Variants in ZNF655 observed in about 807,000 individuals in gnomAD.
ZNF655 encodes the protein zinc finger protein 655.
ZNF655 carries 3 observed loss-of-function variants against 6.6 expected under a neutral mutation model. The observed-to-expected ratio is 0.46, with a 90% CI of 0.21 to 1.18. ZNF655 has a LOEUF of 1.18. ZNF655 is among the 50% of genes most tolerant of loss of function. ZNF655 has a pLI of 0.24. For missense variants in ZNF655, 526 were observed against 572.3 expected, an observed-to-expected ratio of 0.92 and a Z score of 0.83; for synonymous variants, 178 against 195.0, an observed-to-expected ratio of 0.91 and a Z score of 0.73.
intron 2 of ZNF655, among the ~76,000 whole-genome samples, chr7:99,565,983 CAT>C (rs1466680733): frequency 3.3e-5 from 5 of 151,460 alleles, no homozygotes; most frequent in Non-Finnish European, 4.4e-5. Flanking sequence ...CACACACACA[CAT>C]ATGTATATAC....
chr7:99,566,739 G>A (rs1050471690), intron 2 of ZNF655, among the ~76,000 whole-genome samples: 1 of 151,950 alleles, frequency 6.6e-6, no homozygotes, highest in Non-Finnish European at 1.5e-5. Flanking sequence ...TCTATTTTTA[G>A]TAAAGAAGGT....
chr7:99,560,442 A>G (rs1803037502), intron 1 of ZNF655, 91 bp from the exon 2 acceptor site: 3 of 1,239,910 alleles, frequency 2.4e-6, no homozygotes, highest in Admixed American at 2.8e-5. Flanking sequence ...GAATATCCAT[A>G]GTGTGTAAGA....
At chr7:99,566,483 G>A (rs530171486) in intron 2 of ZNF655, among the ~76,000 whole-genome samples, 4 of 152,324 alleles carry the variant, frequency 2.6e-5, no homozygotes, top group African/African-American at 7.2e-5. Flanking sequence ...TTAAGGACCA[G>A]GAAGAAAAGC....
chr7:99,571,306 C>G, intron 2 of ZNF655: 4 of 1,288,218 alleles, frequency 3.1e-6, no homozygotes, highest in Non-Finnish European at 4.0e-6. Context: ...TTTCTCCAGT[C>G]CAGCAGAATT....
rs1276671182 is a variant in ZNF655, at chr7:99,575,760, A to G, written c.*2176A>G. On this transcript the variant is annotated 3_prime_UTR_variant, in exon 3 of 3. Coordinates refer to ENST00000252713, the MANE Select transcript of ZNF655 (RefSeq NM_138494.3). ...TGCTCCTCTCTCATCAATCCAGGAC[A>G]GTATTTGAAGTGTGAGGGCTTTGTG... 1 of 152,200 alleles carries G rather than the reference A, an allele frequency of 6.6e-6. No individual in the cohort carries two copies. The highest frequency in any genetic ancestry group is 1.9e-4 in the East Asian group (1 of 5,194). 9.4% of individuals were successfully genotyped at this position (152,200 alleles called of 1,614,324 possible). A position where few individuals can be genotyped will look rare whatever the true frequency, so the allele number is the denominator to read the frequency against.
intron 2 of ZNF655, chr7:99,564,073 A>G: frequency 6.3e-7 from 1 of 1,589,132 alleles, no homozygotes; most frequent in Non-Finnish European, 8.6e-7. Flanking sequence ...ATTAAAATTG[A>G]CTGATGGAAT....
rs191662622 is a variant in ZNF655 at position 99,559,362 on chromosome 7, T to G, written c.-28+575T>G. Among the ~76,000 whole-genome samples, 30 of 78,094 alleles carry G rather than the reference T, an allele frequency of 3.8e-4. 2 individuals carry two copies. The East Asian group carries it at 0.013, about 35-fold the overall frequency. The allele number at this position is 78,094 out of a possible 152,430, so 51.2% of individuals were successfully genotyped here. ...TGGGCTGACGGTGTTACCAAGACATTTCCTAGGGGGCCTGCTGTTTTATTT... is the reference window on the plus strand; with the variant it reads ...TGGGCTGACGGTGTTACCAAGACATGTCCTAGGGGGCCTGCTGTTTTATTT... On this transcript the variant is annotated intron_variant, in intron 1 of 2. Transcript: ENST00000252713.
At position 99,573,720 on chromosome 7, in the gene ZNF655, A is replaced by G; in HGVS notation, c.*136A>G. 1 of 1,017,236 alleles carries G rather than the reference A, an allele frequency of 9.8e-7. No homozygotes were observed. Among genetic ancestry groups the G allele is most frequent in the Non-Finnish European group, 1.4e-6 (1 of 703,066 alleles). The allele number at this position is 1,017,236 out of a possible 1,614,324, so 63.0% of individuals were successfully genotyped here. On this transcript the variant is annotated 3_prime_UTR_variant, in exon 3 of 3. Coordinates refer to ENST00000252713, the MANE Select transcript of ZNF655 (RefSeq NM_138494.3). ...TAGCTCAGCCATTGCTCAGCATCAGATAATTCACACCAGAGAGAAACCCTC... is the reference window on the plus strand; with the variant it reads ...TAGCTCAGCCATTGCTCAGCATCAGGTAATTCACACCAGAGAGAAACCCTC...
chr7:99,570,691 T>G (rs1803980932), intron 2 of ZNF655: 1 of 152,194 alleles, frequency 6.6e-6, no homozygotes, highest in Admixed American at 6.5e-5. Context: ...TAAACACCGT[T>G]ATATGTGACA....
At chr7:99,568,839 C>T (rs1803829537) in intron 2 of ZNF655, among the ~76,000 whole-genome samples, 1 of 152,050 alleles carries the variant, frequency 6.6e-6, no homozygotes, top group Admixed American at 6.5e-5. Context: ...GGCTGGAGTA[C>T]AGTGGTGTGA....
At position 99,562,616 on chromosome 7, in the gene ZNF655, T is replaced by C. The variant is rs1803286002; in HGVS notation, c.136+1921T>C. On this transcript the variant is annotated intron_variant, in intron 2 of 2. Coordinates refer to ENST00000252713, the MANE Select transcript of ZNF655 (RefSeq NM_138494.3). ...GGCTTAGATTCCAGGACTTAGAACC[T>C]CTGAATCCTTATCTTTCACATCGTC... The C allele has an allele frequency of 9.6e-6, 9 of 939,040 alleles. No homozygotes were observed. In the South Asian group the frequency reaches 1.9e-4, roughly 20 times the overall value. The allele number at this position is 939,040 out of a possible 1,614,324, so 58.2% of individuals were successfully genotyped here. A position where few individuals can be genotyped will look rare whatever the true frequency, so the allele number is the denominator to read the frequency against.
chr7:99,566,732 A>G (rs1803663769), intron 2 of ZNF655, among the ~76,000 whole-genome samples: 1 of 151,650 alleles, frequency 6.6e-6, no homozygotes, highest in Non-Finnish European at 1.5e-5. Context: ...ATTTTTTTCT[A>G]TTTTTAGTAA....
Position 99,563,903 on chromosome 7 carries a change from G to A in ZNF655, c.136+3208G>A, listed in dbSNP as rs752895944. On this transcript the variant is annotated intron_variant, in intron 2 of 2. Coordinates refer to ENST00000252713, the MANE Select transcript of ZNF655 (RefSeq NM_138494.3). ...TTCCCACCACCCGGATTCATAGTGT[G>A]AATTCCTGCCCGGCCCTGAGTCATA... 2.5e-6 allele frequency: 4 copies of A among 1,613,168 alleles called. No individual in the cohort carries two copies. In the South Asian group the frequency reaches 4.4e-5, roughly 18 times the overall value.
intron 2 of ZNF655, chr7:99,563,810 C>T (rs1803405242): frequency 1.3e-6 from 2 of 1,572,630 alleles, no homozygotes; most frequent in Non-Finnish European, 1.7e-6. Context: ...GCAGGCTGCC[C>T]ACTGGGACGG....
In ZNF655 at chr7:99,573,077, A is replaced by G. The variant is rs1459936134; in HGVS notation, c.969A>G (p.Lys323=). Reference sequence around the variant, plus strand: ...GTGTCCACCTTACTCAACATCAGAAAATTCACAAAGAGATGCCCTGTAAGT... The same window carrying G: ...GTGTCCACCTTACTCAACATCAGAAGATTCACAAAGAGATGCCCTGTAAGT... ...SRSVHLTQHQ[K]IHKEMPCKCT... is the part of the protein sequence containing the mutation. Residue 323 remains lysine (K), a synonymous_variant, in exon 3 of 3, where the codon AAA becomes AAG. Coordinates refer to ENST00000252713, the MANE Select transcript of ZNF655 (RefSeq NM_138494.3). The G allele has an allele frequency of 3.7e-6, 6 of 1,613,976 alleles. No individual in the cohort carries two copies. Among genetic ancestry groups the G allele is most frequent in the Non-Finnish European group, 5.1e-6 (6 of 1,180,004 alleles).
At chr7:99,563,144 G>A (rs895277472) in intron 2 of ZNF655, 16 of 450,170 alleles carry the variant, frequency 3.6e-5, no homozygotes, top group Non-Finnish European at 7.2e-5. Context: ...ATGCTGAGGT[G>A]GGGTCAATGC....
intron 2 of ZNF655, chr7:99,563,041 A>G (rs1435090972): frequency 4.1e-6 from 1 of 245,094 alleles, no homozygotes; most frequent in African/African-American, 2.3e-5. Context: ...ATTTGAAGGC[A>G]TGACTCACTG....
intron 2 of ZNF655, chr7:99,560,921 C>T (rs923427463): frequency 2.2e-5 from 9 of 404,782 alleles, no homozygotes; most frequent in South Asian, 6.3e-5. Flanking sequence ...GCTGCTTACT[C>T]GCTGTGGTGG....
intron 2 of ZNF655, among the ~76,000 whole-genome samples, chr7:99,568,450 C>T (rs1305294251): frequency 6.6e-6 from 1 of 151,806 alleles, no homozygotes; most frequent in Non-Finnish European, 1.5e-5. Flanking sequence ...CAGGGTTTCA[C>T]CGTGTTAGCC....
Sources: allele counts gnomAD v4.1 joint callset (sites outside exome capture counted in the v4.1 genomes callset), GRCh38; gene constraint gnomAD v4.1.1; transcripts MANE v1.5; gene names NCBI Gene and HGNC (gene_info 2026-07-23, HGNC 2026-07-21).